Variants in ATP6V0D1 observed in about 807,000 individuals in gnomAD.
ATP6V0D1 encodes ATPase H+ transporting V0 subunit d1.
In ATP6V0D1, 13 loss-of-function variants were observed where a neutral mutation model predicts 39.0. The observed-to-expected ratio is 0.33, with a 90% CI of 0.22 to 0.53. ATP6V0D1 has a LOEUF of 0.53. Ranked by LOEUF, ATP6V0D1 falls within the 20% of genes least tolerant of loss-of-function variation. The pLI is 0.94. For synonymous variants in ATP6V0D1, 191 were observed against 191.2 expected, an observed-to-expected ratio of 1.00 and a Z score of 0.01; for missense variants, 272 against 470.9, an observed-to-expected ratio of 0.58 and a Z score of 3.91.
At chr16:67,477,465 A>T (rs2041424685) in intron 1 of ATP6V0D1, among the ~76,000 whole-genome samples, 1 of 152,184 alleles carries the variant, frequency 6.6e-6, no homozygotes, top group Non-Finnish European at 1.5e-5. Context: ...AGAGATGCTG[A>T]AATATTTACA....
rs531491825 is a variant in ATP6V0D1, at chr16:67,461,927, C to T, written c.131-8212G>A. 4.6e-5 allele frequency among the ~76,000 whole-genome samples: 7 copies of T among 152,302 alleles called. No individual in the cohort carries two copies. The South Asian group carries it at 1.5e-3, about 32-fold the overall frequency. ...GGTGGCAGAGACACATTTAATTACC[C>T]TCATACTCTCAGGAACACCTTGTCC... On this transcript the variant is annotated intron_variant, in intron 1 of 7. Transcript: ENST00000290949.
chr16:67,463,740 T>C (rs1249646090), intron 1 of ATP6V0D1, among the ~76,000 whole-genome samples: 1 of 152,214 alleles, frequency 6.6e-6, no homozygotes, highest in Admixed American at 6.5e-5. Flanking sequence ...GCTGGTCCAG[T>C]ACAGCACCCC....
At chr16:67,470,342 A>G (rs1387747892) in intron 1 of ATP6V0D1, among the ~76,000 whole-genome samples, 2 of 152,220 alleles carry the variant, frequency 1.3e-5, no homozygotes, top group Non-Finnish European at 2.9e-5. Flanking sequence ...TATTTAGTCA[A>G]AAAGAAAACA....
chr16:67,480,949 C>T lies in ATP6V0D1; in HGVS notation c.130+8G>A. ...CCTCTATCCCCGCCTTTCGCGGCCC[C>T]GGCTCACCCTCTAGCGTCTCGCACT... On this transcript the variant is annotated splice_region_variant and intron_variant, in intron 1 of 7. Coordinates refer to ENST00000290949, the MANE Select transcript of ATP6V0D1 (RefSeq NM_004691.5). 6.2e-7 allele frequency: 1 copy of T among 1,613,594 alleles called. No individual in the cohort carries two copies. The highest frequency in any genetic ancestry group is 8.5e-7 in the Non-Finnish European group (1 of 1,179,644).
At chr16:67,450,004 G>A (rs1039488689) in intron 2 of ATP6V0D1, among the ~76,000 whole-genome samples, 3 of 152,176 alleles carry the variant, frequency 2.0e-5, no homozygotes, top group African/African-American at 7.2e-5. Flanking sequence ...GAGGGATGGA[G>A]CTAAGGTGAC....
chr16:67,467,451 G>A (rs1198039194), intron 1 of ATP6V0D1, among the ~76,000 whole-genome samples: 1 of 151,992 alleles, frequency 6.6e-6, no homozygotes, highest in Non-Finnish European at 1.5e-5. Flanking sequence ...GTTGCAGTGA[G>A]CCAAGATCAT....
rs543653334 is a variant in ATP6V0D1 at position 67,453,073 on chromosome 16, A to G, written c.302+471T>C. Among the ~76,000 whole-genome samples, 4 of 152,324 alleles carry G rather than the reference A, an allele frequency of 2.6e-5. No individual in the cohort carries two copies. The highest frequency in any genetic ancestry group is 9.6e-5 in the African/African-American group (4 of 41,574). On this transcript the variant is annotated intron_variant, in intron 2 of 7. Coordinates refer to ENST00000290949, the MANE Select transcript of ATP6V0D1 (RefSeq NM_004691.5). This position sits in a 1 kb window ranked among gnomAD's most constrained non-coding sequence, Gnocchi z 4.1. The stretch of plus-strand genomic sequence containing the variant: ...GTCAGAGCAGATAGAGAATGGGCCT[A>G]TCCTAAGACCTTGGCCTTTCAGAGC...
chr16:67,478,339 G>A (rs1424759485), intron 1 of ATP6V0D1, among the ~76,000 whole-genome samples: 5 of 152,168 alleles, frequency 3.3e-5, no homozygotes, highest in African/African-American at 7.2e-5. Flanking sequence ...ATGGCCAAGC[G>A]TGGTGGCTCA....
intron 4 of ATP6V0D1, chr16:67,441,233 G>C (rs561546256): frequency 6.7e-6 from 1 of 150,208 alleles, no homozygotes; most frequent in Admixed American, 6.6e-5. Flanking sequence ...TCCCACCCCC[G>C]CCCTGTCCCC....
intron 1 of ATP6V0D1, among the ~76,000 whole-genome samples, chr16:67,467,141 T>C (rs1215478976): frequency 6.6e-6 from 1 of 151,308 alleles, no homozygotes; most frequent in South Asian, 2.1e-4. Flanking sequence ...GGTGCATCCC[T>C]GGGGTTGGGG....
chr16:67,463,435 G>A (rs2041304979), intron 1 of ATP6V0D1, among the ~76,000 whole-genome samples: 1 of 152,128 alleles, frequency 6.6e-6, no homozygotes, highest in Admixed American at 6.5e-5. Flanking sequence ...AAAGGCTAAG[G>A]TGAGAGGATC....
At chr16:67,461,740 C>A (rs1292579373) in intron 1 of ATP6V0D1, among the ~76,000 whole-genome samples, 1 of 152,224 alleles carries the variant, frequency 6.6e-6, no homozygotes, top group Non-Finnish European at 1.5e-5. Flanking sequence ...TGGGGCCAAT[C>A]TGCAGAGATG....
Position 67,438,191 on chromosome 16 carries a change from C to A in ATP6V0D1, c.*337G>T. 1 of 289,570 alleles carries A rather than the reference C, an allele frequency of 3.5e-6. No homozygotes were observed. Among genetic ancestry groups the A allele is most frequent in the Non-Finnish European group, 6.6e-6 (1 of 152,414 alleles). 17.9% of individuals were successfully genotyped at this position (289,570 alleles called of 1,614,324 possible). ...GGAGGCTCAAACTGCCCCCAGGCCC[C>A]AGGGTTCTCAGGTCAGGGAGTTAGG... On this transcript the variant is annotated 3_prime_UTR_variant, in exon 8 of 8. Transcript: ENST00000290949.
At chr16:67,479,067 G>A (rs2041440858) in intron 1 of ATP6V0D1, among the ~76,000 whole-genome samples, 1 of 152,132 alleles carries the variant, frequency 6.6e-6, no homozygotes, top group Non-Finnish European at 1.5e-5. Flanking sequence ...TTTTACCACA[G>A]TAAGGGTAAT....
In ATP6V0D1 at chr16:67,480,767, T is replaced by C. The variant is rs139018050; in HGVS notation, c.130+190A>G. Among the ~76,000 whole-genome samples, 65 of 152,220 alleles carry C rather than the reference T, an allele frequency of 4.3e-4. No homozygotes were observed. In the East Asian group the frequency reaches 0.012, roughly 28 times the overall value. ...ACAACTGCGGTTCTTAAAGCCTTGT[T>C]TGAGTTTGGGCCCGCGCCGAGCCAC... On this transcript the variant is annotated intron_variant, in intron 1 of 7. Transcript: ENST00000290949.
At chr16:67,451,454 G>A (rs1567536636) in intron 2 of ATP6V0D1, among the ~76,000 whole-genome samples, 1 of 152,234 alleles carries the variant, frequency 6.6e-6, no homozygotes, top group East Asian at 1.9e-4. Flanking sequence ...GTGGGCTGGA[G>A]GGCCTGAAGG....
chr16:67,480,002 A>G (rs2041452803), intron 1 of ATP6V0D1, among the ~76,000 whole-genome samples: 1 of 109,574 alleles, frequency 9.1e-6, no homozygotes, highest in Admixed American at 7.9e-5. Flanking sequence ...GATCGAGACC[A>G]TCCCGGCTAA....
At chr16:67,466,989 C>A (rs1007136373) in intron 1 of ATP6V0D1, among the ~76,000 whole-genome samples, 4 of 152,212 alleles carry the variant, frequency 2.6e-5, no homozygotes, top group Non-Finnish European at 5.9e-5. Flanking sequence ...GCCCTCTACA[C>A]TCTTGCTCTC....
At chr16:67,442,207 C>A (rs950350415) in intron 4 of ATP6V0D1, among the ~76,000 whole-genome samples, 3 of 152,272 alleles carry the variant, frequency 2.0e-5, no homozygotes, top group African/African-American at 7.2e-5. Flanking sequence ...GGCCTGGGCT[C>A]AGGCTGCAGC....
Sources: allele counts gnomAD v4.1 joint callset (sites outside exome capture counted in the v4.1 genomes callset), GRCh38; gene constraint gnomAD v4.1.1; non-coding constraint Gnocchi (gnomAD v3.1); transcripts MANE v1.5; gene names NCBI Gene and HGNC (gene_info 2026-07-23, HGNC 2026-07-21).